SLC35D4: variants seen among roughly 807,000 people sequenced by gnomAD.
SLC35D4 encodes UDP-N-acetylglucosamine transporter SLC35D4.
chr18:23,342,981 G>A, the SLC35D4 span, among the ~76,000 whole-genome samples: 1 of 151,326 alleles, frequency 6.6e-6, no homozygotes, highest in Non-Finnish European at 1.5e-5. Flanking sequence ...GGAGTGCAGT[G>A]GCACAATCTT....
chr18:23,368,739 T>C, the SLC35D4 span: 1 of 1,452,062 alleles, frequency 6.9e-7, no homozygotes, highest in South Asian at 1.2e-5. Flanking sequence ...TAAGTATTGC[T>C]GGTCAATGTC....
the SLC35D4 span, chr18:23,258,386 G>A: frequency 2.0e-5 from 3 of 152,492 alleles, no homozygotes; most frequent in African/African-American, 4.8e-5. Context: ...TGTTTGAGGC[G>A]TTTGCCAGCT....
At chr18:23,371,293 C>T in the SLC35D4 span, 1 of 673,260 alleles carries the variant, frequency 1.5e-6, no homozygotes, top group Non-Finnish European at 2.4e-6. Context: ...TGGGGTTTCT[C>T]AAGGTTGCCC....
At chr18:23,316,424 C>G in the SLC35D4 span, among the ~76,000 whole-genome samples, 3 of 152,130 alleles carry the variant, frequency 2.0e-5, no homozygotes, top group Non-Finnish European at 2.9e-5. Flanking sequence ...GAAATCACAG[C>G]CTATACTCAT....
At chr18:23,387,775 C>A in the SLC35D4 span, among the ~76,000 whole-genome samples, 2 of 152,124 alleles carry the variant, frequency 1.3e-5, no homozygotes, top group African/African-American at 4.8e-5. Flanking sequence ...AAAAGTTCAA[C>A]TCAAATTGTT....
chr18:23,350,030 T>C, the SLC35D4 span, among the ~76,000 whole-genome samples: 79,064 of 152,040 alleles, frequency 0.52, 20,726 homozygotes, highest in South Asian at 0.59. Context: ...ACTTTTTTAC[T>C]ACACACAGAT....
chr18:23,264,837 G>T, the SLC35D4 span, among the ~76,000 whole-genome samples: 6 of 151,822 alleles, frequency 4.0e-5, no homozygotes, highest in Non-Finnish European at 7.4e-5. Context: ...TAGAGATGAG[G>T]TTTCACCATG....
the SLC35D4 span, among the ~76,000 whole-genome samples, chr18:23,410,129 T>C: frequency 6.6e-6 from 1 of 152,156 alleles, no homozygotes; most frequent in South Asian, 2.1e-4. Context: ...TTGTCTCATA[T>C]CATGGTGTTT....
the SLC35D4 span, among the ~76,000 whole-genome samples, chr18:23,290,798 T>TG: frequency 6.6e-6 from 1 of 151,878 alleles, no homozygotes; most frequent in Admixed American, 6.6e-5. Context: ...TGCTAATTTT[T>TG]TTTTTTTTTT....
the SLC35D4 span, chr18:23,309,749 A>G: frequency 6.2e-7 from 1 of 1,613,590 alleles, no homozygotes; most frequent in South Asian, 1.1e-5. Flanking sequence ...GATTATCTGT[A>G]GAAATAATTT....
At chr18:23,244,599 G>A in the SLC35D4 span, among the ~76,000 whole-genome samples, 1 of 152,322 alleles carries the variant, frequency 6.6e-6, no homozygotes, top group East Asian at 1.9e-4. Context: ...TAACAAGCAC[G>A]GAACAGCTGC....
At chr18:23,248,512 CTTTTTT>C in the SLC35D4 span, among the ~76,000 whole-genome samples, 925 of 90,722 alleles carry the variant, frequency 0.01, 13 homozygotes, top group African/African-American at 0.038. Context: ...GACCCTATGT[CTTTTTT>C]TTTTTTTTTT....
the SLC35D4 span, among the ~76,000 whole-genome samples, chr18:23,334,976 G>T: frequency 6.6e-6 from 1 of 151,872 alleles, no homozygotes; most frequent in Non-Finnish European, 1.5e-5. Context: ...CTGCACTCCA[G>T]CCTGAGCGAC....
the SLC35D4 span, among the ~76,000 whole-genome samples, chr18:23,360,359 C>T: frequency 3.9e-5 from 6 of 152,188 alleles, no homozygotes; most frequent in Non-Finnish European, 8.8e-5. Context: ...TTCAGAGCAG[C>T]CTCAAGCTGG....
the SLC35D4 span, among the ~76,000 whole-genome samples, chr18:23,357,891 A>G: frequency 2.6e-5 from 4 of 152,246 alleles, no homozygotes; most frequent in East Asian, 7.7e-4. Context: ...CATGAAGCCC[A>G]ACAAGATTTC....
chr18:23,267,152 G>C, the SLC35D4 span, among the ~76,000 whole-genome samples: 1 of 152,230 alleles, frequency 6.6e-6, no homozygotes, highest in Non-Finnish European at 1.5e-5. Flanking sequence ...GCTGCCCCTT[G>C]CTGCTGACTT....
At chr18:23,398,077 A>G in the SLC35D4 span, among the ~76,000 whole-genome samples, 414 of 152,262 alleles carry the variant, frequency 2.7e-3, 4 homozygotes, top group African/African-American at 9.5e-3. Flanking sequence ...TCTCAAAACA[A>G]AAACAAAAAA....
At chr18:23,358,117 G>C in the SLC35D4 span, among the ~76,000 whole-genome samples, 1 of 152,238 alleles carries the variant, frequency 6.6e-6, no homozygotes, top group African/African-American at 2.4e-5. Flanking sequence ...AAAGTGGAGG[G>C]AGAGTCTGTC....
At chr18:23,432,969 G>A in the SLC35D4 span, among the ~76,000 whole-genome samples, 1 of 117,646 alleles carries the variant, frequency 8.5e-6, no homozygotes, top group Non-Finnish European at 1.7e-5. Context: ...AACAGAGCAA[G>A]ACTCTGTCTC....
Sources: gnomAD v4.1 joint callset for allele counts (sites outside exome capture counted in the v4.1 genomes callset) on GRCh38, gnomAD v4.1.1 for gene constraint, MANE v1.5 for transcripts, NCBI Gene and HGNC (gene_info 2026-07-23, HGNC 2026-07-21) for gene names.